Variants in DOCK4 observed in about 807,000 individuals in gnomAD.
DOCK4 encodes the protein dedicator of cytokinesis protein 4.
Under a neutral mutation model 268.1 loss-of-function variants are expected in DOCK4, and 97 were observed. That is an observed-to-expected ratio of 0.36 (90% CI 0.31 to 0.43). DOCK4 has a LOEUF of 0.43. Among genes scored for constraint, DOCK4 ranks in the 20% least tolerant of loss-of-function variants. DOCK4 has a pLI of 1.00. For synonymous variants in DOCK4, 954 were observed against 887.2 expected (o/e 1.08, Z -1.34); for missense variants, 2,145 against 2,455.7 (o/e 0.87, Z 2.67).
At chr7:111,788,327 T>C (rs892404836) in intron 32 of DOCK4, among the ~76,000 whole-genome samples, 1 of 152,114 alleles carries the variant, frequency 6.6e-6, no homozygotes, top group African/African-American at 2.4e-5. Flanking sequence ...TCACACCCCT[T>C]TTCTCCTCTC....
intron 23 of DOCK4, among the ~76,000 whole-genome samples, chr7:111,849,264 T>C (rs1391446979): frequency 4.5e-5 from 4 of 88,986 alleles, no homozygotes; most frequent in African/African-American, 1.5e-4. Flanking sequence ...CCTAGTTACT[T>C]TTTTTTTTTT....
chr7:112,075,584 G>A (rs1807987856), intron 1 of DOCK4, among the ~76,000 whole-genome samples: 1 of 151,912 alleles, frequency 6.6e-6, no homozygotes. Flanking sequence ...CCAAATTTTG[G>A]GCCATACTCA....
chr7:111,804,427 T>C (rs748661575), intron 30 of DOCK4, among the ~76,000 whole-genome samples: 1 of 152,082 alleles, frequency 6.6e-6, no homozygotes, highest in Admixed American at 6.5e-5. Context: ...TACCAGGGGC[T>C]GGGGAGACAG....
chr7:111,808,770 G>GGTACAGC, intron 30 of DOCK4, 51 bp downstream of exon 30: 1 of 1,560,280 alleles, frequency 6.4e-7, no homozygotes. Flanking sequence ...TACACTTCAA[G>GGTACAGC]GTACAGCGAG....
intron 1 of DOCK4, among the ~76,000 whole-genome samples, chr7:112,100,386 G>A (rs1810568642): frequency 6.6e-6 from 1 of 152,238 alleles, no homozygotes; most frequent in African/African-American, 2.4e-5. Context: ...TTGGGAAGAA[G>A]ATGAAACAGC....
intron 23 of DOCK4, among the ~76,000 whole-genome samples, chr7:111,851,802 A>G (rs867474073): frequency 6.6e-6 from 1 of 152,072 alleles, no homozygotes; most frequent in Non-Finnish European, 1.5e-5. Context: ...TTGGAATGCA[A>G]TGAGTGCTAT....
intron 1 of DOCK4, among the ~76,000 whole-genome samples, chr7:112,143,927 C>G (rs555166277): frequency 6.6e-6 from 1 of 152,320 alleles, no homozygotes; most frequent in African/African-American, 2.4e-5. Flanking sequence ...ATTTTCTCTT[C>G]CTACACGGAT....
intron 7 of DOCK4, among the ~76,000 whole-genome samples, chr7:111,981,848 C>T (rs1798633613): frequency 6.6e-6 from 1 of 152,166 alleles, no homozygotes; most frequent in African/African-American, 2.4e-5. Context: ...CAACACTGAA[C>T]TCTAGGCAGC....
intron 1 of DOCK4, among the ~76,000 whole-genome samples, chr7:112,134,999 G>A (rs73436686): frequency 0.077 from 11,640 of 151,910 alleles, 697 homozygotes; most frequent in African/African-American, 0.17. Flanking sequence ...ATATGTGTGT[G>A]TGTGTGTATA....
chr7:111,801,236 G>C (rs1011073360), intron 30 of DOCK4, among the ~76,000 whole-genome samples: 6 of 152,148 alleles, frequency 3.9e-5, no homozygotes, highest in African/African-American at 1.4e-4. Context: ...TGACACACCT[G>C]GTCAAACCAA....
At chr7:112,127,937 G>A (rs1242480935) in intron 1 of DOCK4, among the ~76,000 whole-genome samples, 1 of 152,200 alleles carries the variant, frequency 6.6e-6, no homozygotes, top group Non-Finnish European at 1.5e-5. Flanking sequence ...GCTGAGGCAG[G>A]AGAATTGCTT....
chr7:111,924,255 T>C (rs1793405962), intron 12 of DOCK4, among the ~76,000 whole-genome samples: 1 of 152,224 alleles, frequency 6.6e-6, no homozygotes, highest in African/African-American at 2.4e-5. Flanking sequence ...CAATTCATCT[T>C]TAGTGGGTGT....
intron 4 of DOCK4, among the ~76,000 whole-genome samples, chr7:111,995,467 G>A (rs2135261522): frequency 6.8e-6 from 1 of 146,086 alleles, no homozygotes; most frequent in South Asian, 2.2e-4. Context: ...GTATGTGCAG[G>A]TGAAAGTGGT....
At chr7:112,017,957 C>A (rs1341163987) in intron 1 of DOCK4, among the ~76,000 whole-genome samples, 1 of 151,680 alleles carries the variant, frequency 6.6e-6, no homozygotes, top group Non-Finnish European at 1.5e-5. Flanking sequence ...CTAAAAGAGG[C>A]AGGTGGATCA....
chr7:112,091,658 T>A (rs972368115), intron 1 of DOCK4, among the ~76,000 whole-genome samples: 1 of 152,128 alleles, frequency 6.6e-6, no homozygotes, highest in African/African-American at 2.4e-5. Flanking sequence ...GAATTCAAGA[T>A]ACCAGCCCTG....
Position 111,983,842 on chromosome 7 carries a change from ACACGCGCGCGCGCGCGCGCG to A in DOCK4, c.549+444_549+463del, listed in dbSNP as rs1025162118. Among the ~76,000 whole-genome samples the A allele has an allele frequency of 9.9e-4, 92 of 93,356 alleles. 2 individuals carry two copies. The highest frequency in any genetic ancestry group is 4.0e-3 in the African/African-American group (88 of 22,276). The allele number at this position is 93,356 out of a possible 152,430, so 61.2% of individuals were successfully genotyped here. A position where few individuals can be genotyped will look rare whatever the true frequency, so the allele number is the denominator to read the frequency against. ...ATAGTGCTATTATGTATGTACACAC[ACACGCGCGCGCGCGCGCGCG>A]CACACACACACACACACACACACAC... is the stretch of plus-strand genomic sequence containing the variant. On this transcript the variant is annotated intron_variant, in intron 7 of 52. Transcript: ENST00000428084.
At chr7:111,757,732 C>T (rs1254690438) in intron 41 of DOCK4, among the ~76,000 whole-genome samples, 1 of 152,140 alleles carries the variant, frequency 6.6e-6, no homozygotes, top group African/African-American at 2.4e-5. Flanking sequence ...GGAACTGACA[C>T]CGGCAGAGCT....
At chr7:112,146,835 T>C (rs551230629) in intron 1 of DOCK4, among the ~76,000 whole-genome samples, 30 of 152,178 alleles carry the variant, frequency 2.0e-4, no homozygotes, top group Non-Finnish European at 4.1e-4. Flanking sequence ...AATTAAGAAT[T>C]TGTAATAATT....
chr7:111,792,338 T>C (rs1042983986), intron 30 of DOCK4, among the ~76,000 whole-genome samples: 6 of 152,194 alleles, frequency 3.9e-5, no homozygotes, highest in Non-Finnish European at 8.8e-5. Context: ...ACACTGTAGA[T>C]TCACAGTGCA....
Sources: gnomAD v4.1 joint callset for allele counts (sites outside exome capture counted in the v4.1 genomes callset) on GRCh38, gnomAD v4.1.1 for gene constraint, MANE v1.5 for transcripts, NCBI Gene and HGNC (gene_info 2026-07-23, HGNC 2026-07-21) for gene names.